The following TMEM74 variants were observed in gnomAD, a reference collection of about 807,000 sequenced individuals.
TMEM74 encodes the protein transmembrane protein 74.
In TMEM74, 13 loss-of-function variants were observed where a neutral mutation model predicts 18.1. That is an observed-to-expected ratio of 0.72 (90% CI 0.47 to 1.14). The LOEUF is 1.14. Among genes scored for constraint, TMEM74 ranks in the 50% most tolerant of loss-of-function variants. TMEM74 has a pLI of 0.00. For missense variants in TMEM74, 372 were observed against 375.9 expected (o/e 0.99, Z 0.09); for synonymous variants, 159 against 146.6 (o/e 1.08, Z -0.61).
chr8:108,639,792 T>C (rs1403796446), intron 2 of TMEM74, among the ~76,000 whole-genome samples: 1 of 152,152 alleles, frequency 6.6e-6, no homozygotes, highest in Non-Finnish European at 1.5e-5. Flanking sequence ...ATTTCCGAAG[T>C]TTCCTCGATC....
intron 1 of TMEM74, among the ~76,000 whole-genome samples, chr8:108,678,497 T>C (rs1461038838): frequency 6.6e-6 from 1 of 151,072 alleles, no homozygotes; most frequent in African/African-American, 2.4e-5. Context: ...CTCAAGTAGC[T>C]GAGATTACAG....
rs545979444 is a variant in TMEM74, at chr8:108,735,193, AG to A, written n.119+52282del. ...CCCAGTCATTGCCAATTTTATTAGC[AG>A]CTTTATGGAGAAACAATTCACTTAC... On this transcript the variant is annotated intron_variant and non_coding_transcript_variant, in intron 1 of 3. Coordinates refer to the TMEM74 transcript ENST00000518838. 1.3e-3 allele frequency among the ~76,000 whole-genome samples: 201 copies of A among 152,332 alleles called. 1 individual carries two copies. Among genetic ancestry groups the A allele is most frequent in the African/African-American group, 4.6e-3 (193 of 41,576 alleles).
chr8:108,710,649 C>T (rs1247375122), intron 1 of TMEM74, among the ~76,000 whole-genome samples: 1 of 152,196 alleles, frequency 6.6e-6, no homozygotes, highest in Non-Finnish European at 1.5e-5. Flanking sequence ...CGCCTTGTCT[C>T]AGCTGCTTGA....
At chr8:108,683,405 A>G (rs1737103268) in intron 1 of TMEM74, among the ~76,000 whole-genome samples, 1 of 151,764 alleles carries the variant, frequency 6.6e-6, no homozygotes. Flanking sequence ...TAAAATTAGC[A>G]TTTTTTTCAG....
chr8:108,636,474 A>G (rs1423922391), intron 2 of TMEM74, among the ~76,000 whole-genome samples: 3 of 152,114 alleles, frequency 2.0e-5, no homozygotes, highest in Non-Finnish European at 4.4e-5. Context: ...CTGTATTTGA[A>G]GCAGCTGCCA....
At chr8:108,721,469 T>C (rs1417987056) in intron 1 of TMEM74, among the ~76,000 whole-genome samples, 1 of 152,270 alleles carries the variant, frequency 6.6e-6, no homozygotes, top group East Asian at 1.9e-4. Flanking sequence ...ATTTTGTCTT[T>C]GCTGTTCCAT....
intron 1 of TMEM74, among the ~76,000 whole-genome samples, chr8:108,663,702 A>G (rs1812922573): frequency 6.6e-6 from 1 of 152,190 alleles, no homozygotes. Flanking sequence ...AAGACAGGAA[A>G]TCAACCCAGA....
Position 108,784,682 on chromosome 8 carries a change from A to G in TMEM74, c.417T>C (p.Leu139=). Residue 139 remains leucine (L), a synonymous_variant, in exon 2 of 2, where the codon CTT becomes CTC. Transcript: ENST00000297459. Reference sequence around the variant, plus strand: ...ACCACTCATTTGGATTTTCCCAGCCAAGCTCCCCAGGGTGATTATGCCCTT... The same window carrying G: ...ACCACTCATTTGGATTTTCCCAGCCGAGCTCCCCAGGGTGATTATGCCCTT... ...SAKGHNHPGE[L]GWENPNEWSQ... is the part of the protein sequence containing the mutation. 6.2e-7 allele frequency: 1 copy of G among 1,614,132 alleles called. No individual in the cohort carries two copies. Among genetic ancestry groups the G allele is most frequent in the Non-Finnish European group, 8.5e-7 (1 of 1,180,008 alleles).
intron 2 of TMEM74, among the ~76,000 whole-genome samples, chr8:108,648,785 G>A (rs1279328160): frequency 6.6e-6 from 1 of 152,140 alleles, no homozygotes; most frequent in African/African-American, 2.4e-5. Context: ...ATACAGTCCT[G>A]TGGATATCTT....
chr8:108,640,707 T>C (rs964781123), intron 2 of TMEM74, among the ~76,000 whole-genome samples: 3 of 152,140 alleles, frequency 2.0e-5, no homozygotes, highest in African/African-American at 7.2e-5. Context: ...TAAGTCAGTC[T>C]CTCACAACTG....
chr8:108,642,171 G>A (rs1812671893), intron 2 of TMEM74, among the ~76,000 whole-genome samples: 1 of 152,048 alleles, frequency 6.6e-6, no homozygotes, highest in Non-Finnish European at 1.5e-5. Flanking sequence ...GGCTGACGCG[G>A]GTGGATTGCC....
At chr8:108,709,131 A>T (rs1813450002) in intron 1 of TMEM74, among the ~76,000 whole-genome samples, 1 of 152,146 alleles carries the variant, frequency 6.6e-6, no homozygotes, top group Admixed American at 6.5e-5. Flanking sequence ...GTTCCACAAA[A>T]ATGTAAAAAT....
chr8:108,746,816 G>A (rs1813852649), intron 1 of TMEM74, among the ~76,000 whole-genome samples: 1 of 152,120 alleles, frequency 6.6e-6, no homozygotes, highest in Admixed American at 6.5e-5. Flanking sequence ...AAAGGACAAG[G>A]TTCAGAGAGC....
At chr8:108,612,994 T>C (rs1034773563) in intron 2 of TMEM74, among the ~76,000 whole-genome samples, 2 of 152,126 alleles carry the variant, frequency 1.3e-5, no homozygotes, top group African/African-American at 4.8e-5. Context: ...TACCCAGCCA[T>C]TGAAAAACAT....
chr8:108,776,616 A>C (rs112888056), downstream of TMEM74, among the ~76,000 whole-genome samples: 1,010 of 152,344 alleles, frequency 6.6e-3, 8 homozygotes, highest in African/African-American at 0.023. Context: ...AATTAAACAA[A>C]AGACTGTTTT....
Position 108,787,217 on chromosome 8 carries a change from G to A in TMEM74, c.-40+259C>T, listed in dbSNP as rs185186953. Among the ~76,000 whole-genome samples, 177 of 152,258 alleles carry A rather than the reference G, an allele frequency of 1.2e-3. 2 individuals are homozygous for A. Among genetic ancestry groups the A allele is most frequent in the African/African-American group, 4.1e-3 (170 of 41,554 alleles). On this transcript the variant is annotated intron_variant, in intron 1 of 1. Coordinates refer to ENST00000297459, the MANE Select transcript of TMEM74 (RefSeq NM_153015.3). ...GGCTGATCTCGGGGAGGCGACCTCT[G>A]GATGCGCCCTGTGCGAGCAAAGCCG...
At chr8:108,750,444 G>C (rs933074190) in intron 1 of TMEM74, among the ~76,000 whole-genome samples, 3 of 152,108 alleles carry the variant, frequency 2.0e-5, no homozygotes, top group African/African-American at 7.2e-5. Context: ...GGCATGAATG[G>C]AGCAGGAGAG....
chr8:108,609,008 T>C (rs545501164), intron 2 of TMEM74, among the ~76,000 whole-genome samples: 104 of 152,318 alleles, frequency 6.8e-4, no homozygotes, highest in African/African-American at 2.5e-3. Context: ...ACAAATTTTA[T>C]TTCCCTCTTG....
At chr8:108,644,096 G>A (rs926031106) in intron 2 of TMEM74, among the ~76,000 whole-genome samples, 2 of 151,992 alleles carry the variant, frequency 1.3e-5, no homozygotes, top group South Asian at 2.1e-4. Flanking sequence ...TTCTGACTTC[G>A]AACTGTAACA....
Sources: allele counts gnomAD v4.1 joint callset (sites outside exome capture counted in the v4.1 genomes callset), GRCh38; gene constraint gnomAD v4.1.1; transcripts MANE v1.5; gene names NCBI Gene and HGNC (gene_info 2026-07-23, HGNC 2026-07-21).